LACC1: variants seen among roughly 807,000 people sequenced by gnomAD.
LACC1 encodes purine nucleoside phosphorylase LACC1.
In LACC1, 25 loss-of-function variants were observed where a neutral mutation model predicts 34.8. The observed-to-expected ratio is 0.72, with a 90% CI of 0.52 to 1.00. LACC1 has a LOEUF of 1.00. LACC1 is among the 50% of genes least tolerant of loss of function. The probability of loss-of-function intolerance (pLI) is 0.00; values close to 1 mark genes in which losing one functional copy is unlikely to be tolerated. For synonymous variants in LACC1, 162 were observed against 168.0 expected (o/e 0.96, Z 0.28); for missense variants, 426 against 511.2 (o/e 0.83, Z 1.61).
At chr13:43,890,016 T>C (rs905430321) in intron 5 of LACC1, 98 bp from the exon 6 acceptor site, 2 of 1,024,796 alleles carry the variant, frequency 2.0e-6, no homozygotes, top group Non-Finnish European at 2.8e-6. Context: ...ACATCTTTCC[T>C]GGAACTTTTT....
rs141648770 is a variant in LACC1 at position 43,893,758 on chromosome 13, A to G, written c.*2311A>G. The G allele has an allele frequency of 8.3e-3, 1,261 of 152,276 alleles. 16 individuals are homozygous for G. The highest frequency in any genetic ancestry group is 0.014 in the Non-Finnish European group (925 of 67,864). 9.4% of individuals were successfully genotyped at this position (152,276 alleles called of 1,614,324 possible). A position where few individuals can be genotyped will look rare whatever the true frequency, so the allele number is the denominator to read the frequency against. On this transcript the variant is annotated 3_prime_UTR_variant, in exon 7 of 7. Transcript: ENST00000325686. ...ATCCAAAATATTATTTTGTTTAATG[A>G]AAATGATGAAGATTAAGGAATACTT...
At position 43,888,932 on chromosome 13, in the gene LACC1, A is replaced by G; in HGVS notation, c.1083A>G (p.Val361=). 6.2e-7 allele frequency: 1 copy of G among 1,613,902 alleles called. No individual in the cohort carries two copies. The highest frequency in any genetic ancestry group is 8.5e-7 in the Non-Finnish European group (1 of 1,179,822). ...TTCATAATCTTCATCCTGCATGTGT[A>G]CAACTATTTGATTCACCAAATCCCT... The part of the protein sequence containing the change: ...EAFHNLHPAC[V]QLFDSPNPCI... Residue 361 remains valine (V), a synonymous_variant, in exon 5 of 7, where the codon GTA becomes GTG. Transcript: ENST00000325686.
At chr13:43,891,155 A>T (rs1955555157) in intron 6 of LACC1, among the ~76,000 whole-genome samples, 1 of 152,210 alleles carries the variant, frequency 6.6e-6, no homozygotes, top group Admixed American at 6.5e-5. Flanking sequence ...CTGACACATG[A>T]TCTAAAGTCA....
At chr13:43,883,602 T>C (rs1955178553) in intron 3 of LACC1, among the ~76,000 whole-genome samples, 169 bp from the exon 4 acceptor site, 1 of 152,168 alleles carries the variant, frequency 6.6e-6, no homozygotes, top group Non-Finnish European at 1.5e-5. Flanking sequence ...AATAGTTAAA[T>C]TATAAGTAAA....
At chr13:43,879,784 G>GAGGT (rs1566960863), upstream of LACC1, 209 of 112,950 alleles carry the variant, frequency 1.9e-3, no homozygotes, top group Middle Eastern at 9.0e-3. Context: ...GAGGTGAGGC[G>GAGGT]GGGCGAGGCG....
At chr13:43,884,058 T>C in intron 4 of LACC1, 122 bp downstream of exon 4, 2 of 677,644 alleles carry the variant, frequency 3.0e-6, no homozygotes, top group South Asian at 5.2e-5. Flanking sequence ...AGTGTAATGA[T>C]GGGAGAGGCG....
intron 2 of LACC1, 80 bp from the exon 3 acceptor site, chr13:43,882,105 G>C (rs1955096214): frequency 3.9e-6 from 4 of 1,025,662 alleles, no homozygotes; most frequent in Admixed American, 2.4e-5. Flanking sequence ...AGGGCAGGTA[G>C]CAGTGATCAG....
intron 3 of LACC1, among the ~76,000 whole-genome samples, chr13:43,883,111 C>T (rs1354002264): frequency 2.0e-5 from 3 of 152,036 alleles, no homozygotes; most frequent in African/African-American, 4.8e-5. Context: ...AGTCAGTGAC[C>T]GGGTGGGTAA....
intron 4 of LACC1, 140 bp from the exon 5 acceptor site, chr13:43,888,617 C>A: frequency 1.5e-6 from 1 of 675,156 alleles, no homozygotes. Flanking sequence ...CATTTAAAAA[C>A]CACATGATAA....
intron 2 of LACC1, among the ~76,000 whole-genome samples, 187 bp downstream of exon 2, chr13:43,881,734 G>A (rs1955068130): frequency 6.6e-6 from 1 of 152,134 alleles, no homozygotes; most frequent in Admixed American, 6.5e-5. Context: ...AAGGGATAAA[G>A]CCTTCAAAGC....
intron 4 of LACC1, among the ~76,000 whole-genome samples, chr13:43,888,045 T>C (rs1183519123): frequency 1.3e-5 from 2 of 152,174 alleles, no homozygotes; most frequent in African/African-American, 4.8e-5. Context: ...GTGAAAGCAA[T>C]CTAAGGTACA....
chr13:43,880,999 T>C lies in LACC1; in HGVS notation c.14T>C (p.Val5Ala). 1.2e-6 allele frequency: 2 copies of C among 1,612,848 alleles called. No homozygotes were observed. The highest frequency in any genetic ancestry group is 1.7e-6 in the Non-Finnish European group (2 of 1,179,160). MAEA[V>A]LIDLFGLKLN... ...ATTCTTTCAAGGATGGCAGAAGCTG[T>C]TTTGATTGATCTTTTTGGTTTGAAA... The change falls in exon 2 of 7, where the codon GTT becomes GCT. Residue 5 changes from valine to alanine, a missense_variant. Val to Ala is a moderately conservative substitution (Grantham distance 64). Transcript: ENST00000325686.
At chr13:43,889,157 A>T (rs1447036049) in intron 5 of LACC1, among the ~76,000 whole-genome samples, 175 bp downstream of exon 5, 1 of 152,206 alleles carries the variant, frequency 6.6e-6, no homozygotes, top group Non-Finnish European at 1.5e-5. Context: ...TTTTCATTTG[A>T]GTTTGAATAA....
intron 4 of LACC1, among the ~76,000 whole-genome samples, chr13:43,887,965 T>G (rs918991223): frequency 6.6e-6 from 1 of 152,122 alleles, no homozygotes; most frequent in Non-Finnish European, 1.5e-5. Context: ...CCAAAATAAC[T>G]GAAATCAGGA....
chr13:43,886,768 A>G (rs1469181100), intron 4 of LACC1, among the ~76,000 whole-genome samples: 1 of 152,208 alleles, frequency 6.6e-6, no homozygotes, highest in East Asian at 1.9e-4. Flanking sequence ...GAAGAATAAA[A>G]ATAAATTAAC....
chr13:43,881,465 T>C lies in LACC1; in HGVS notation c.480T>C (p.Ile160=), dbSNP rs1423121549. 1 of 1,613,924 alleles carries C rather than the reference T, an allele frequency of 6.2e-7. No homozygotes were observed. Among genetic ancestry groups the C allele is most frequent in the African/African-American group, 1.3e-5 (1 of 75,040 alleles). ...TCACAGCTCAAGAACTAAGAGGAAT[T>C]CAGAATGAAATAGAAACATTTTTGA... ...NVITAQELRG[I]QNEIETFLRS... The change falls in exon 2 of 7, where the codon ATT becomes ATC. Residue 160 remains isoleucine, a synonymous_variant. Coordinates refer to ENST00000325686, the MANE Select transcript of LACC1 (RefSeq NM_153218.4).
chr13:43,882,425 C>A, intron 3 of LACC1, 62 bp downstream of exon 3: 1 of 1,265,916 alleles, frequency 7.9e-7, no homozygotes, highest in Non-Finnish European at 1.1e-6. Context: ...CTAGTAACTA[C>A]ATGGACTTTA....
intron 4 of LACC1, among the ~76,000 whole-genome samples, chr13:43,887,043 T>C (rs895266): frequency 0.36 from 55,011 of 151,990 alleles, 10,256 homozygotes; most frequent in East Asian, 0.53. Context: ...CTATATCTAG[T>C]TGCTTCCCTT....
chr13:43,885,194 T>C (rs1376840485), intron 4 of LACC1, among the ~76,000 whole-genome samples: 2 of 152,194 alleles, frequency 1.3e-5, no homozygotes, highest in Non-Finnish European at 1.5e-5. Context: ...AAGCAATTTA[T>C]AGATTCAATG....
Sources: gnomAD v4.1 joint callset for allele counts (sites outside exome capture counted in the v4.1 genomes callset) on GRCh38, gnomAD v4.1.1 for gene constraint, MANE v1.5 for transcripts, NCBI Gene and HGNC (gene_info 2026-07-23, HGNC 2026-07-21) for gene names.